NR2C1: variants seen among roughly 807,000 people sequenced by gnomAD.
NR2C1 encodes TR2 nuclear hormone receptor.
NR2C1 carries 33 observed loss-of-function variants against 74.8 expected under a neutral mutation model. The observed-to-expected ratio is 0.44, with a 90% CI of 0.33 to 0.59. NR2C1 has a LOEUF of 0.59. Among genes scored for constraint, NR2C1 ranks in the 20% least tolerant of loss-of-function variants. NR2C1 has a pLI of 0.02. For missense variants in NR2C1, 568 were observed against 715.6 expected (o/e 0.79, Z 2.35); for synonymous variants, 225 against 240.6 (o/e 0.94, Z 0.60).
intron 2 of NR2C1, 98 bp from the exon 3 acceptor site, chr12:95,062,836 T>A: frequency 3.5e-6 from 3 of 846,666 alleles, no homozygotes; most frequent in Non-Finnish European, 5.7e-6. Context: ...ATATTCAATA[T>A]AACACACACG....
intron 11 of NR2C1, among the ~76,000 whole-genome samples, 190 bp from the exon 12 acceptor site, chr12:95,028,714 C>G (rs1335590465): frequency 6.6e-6 from 1 of 152,224 alleles, no homozygotes; most frequent in Non-Finnish European, 1.5e-5. Context: ...ACTGCAACCT[C>G]TGCCTCCTGG....
rs187652832 is a variant in NR2C1 at position 95,060,265 on chromosome 12, C to T, written c.286-281G>A. Among the ~76,000 whole-genome samples the T allele has an allele frequency of 3.3e-5, 5 of 152,270 alleles. No homozygotes were observed. The East Asian group carries it at 9.6e-4, about 29-fold the overall frequency. ...TTTCCTTGAGGTAATTATAATCATGCAGATGTGCTCGCTATACAAAGGTAT... is the reference window on the plus strand; with the variant it reads ...TTTCCTTGAGGTAATTATAATCATGTAGATGTGCTCGCTATACAAAGGTAT... On this transcript the variant is annotated intron_variant, in intron 3 of 13. Coordinates refer to ENST00000333003, the MANE Select transcript of NR2C1 (RefSeq NM_003297.4).
At chr12:95,022,700 A>ATTTTTT (rs373684275) in intron 13 of NR2C1, among the ~76,000 whole-genome samples, 1 of 143,296 alleles carries the variant, frequency 7.0e-6, no homozygotes. Flanking sequence ...AAGTTATACA[A>ATTTTTT]TTTTTTTTTT....
chr12:95,028,731 G>A (rs1869680766), intron 11 of NR2C1, among the ~76,000 whole-genome samples: 1 of 152,178 alleles, frequency 6.6e-6, no homozygotes, highest in African/African-American at 2.4e-5. Flanking sequence ...CTGGACTCAA[G>A]CAGTTCTCCT....
intron 11 of NR2C1, chr12:95,030,523 C>T: frequency 6.2e-7 from 1 of 1,604,060 alleles, no homozygotes; most frequent in Non-Finnish European, 8.5e-7. Context: ...CCATTACAGG[C>T]ATATAAGACA....
chr12:95,046,914 G>A (rs1258245402), intron 9 of NR2C1, among the ~76,000 whole-genome samples: 2 of 152,076 alleles, frequency 1.3e-5, no homozygotes, highest in African/African-American at 2.4e-5. Flanking sequence ...TTTCAGGAGA[G>A]TAAGAAACTT....
rs1482542843 is a variant in NR2C1, at chr12:95,051,771, T to A, written c.956A>T (p.Asp319Val). 3.1e-6 allele frequency: 5 copies of A among 1,602,450 alleles called. No homozygotes were observed. The highest frequency in any genetic ancestry group is 4.2e-6 in the Non-Finnish European group (5 of 1,177,134). ...CEFQEMQTNG[D>V]VSRAFDTLAK... ...TCAAAAGATACCTTACCTTGAAACA[T>A]CACCGTTGGTCTGCATTTCTTGAAA... The change falls in exon 8 of 14, where the codon GAT becomes GTT. Residue 319 changes from aspartate (D) to valine (V), a missense_variant. By Grantham distance (152) the Asp-to-Val change is radical (BLOSUM62 -3). This residue lies in a region of NR2C1 where 239 missense variants were observed against 232.3 expected (regional missense o/e 1.03). Transcript: ENST00000333003.
rs184031483 is a variant in NR2C1, at chr12:95,057,208, G to A, written c.783+345C>T. 3.8e-4 allele frequency among the ~76,000 whole-genome samples: 56 copies of A among 147,304 alleles called. 1 individual carries two copies. The East Asian group carries it at 0.01, about 27-fold the overall frequency. ...CAACCTCCACCTACCGGGTTCAAGC[G>A]ATTCTCCTGCCTCAGCCTCCCGAGT... On this transcript the variant is annotated intron_variant, in intron 7 of 13. Transcript: ENST00000333003.
intron 9 of NR2C1, among the ~76,000 whole-genome samples, chr12:95,045,601 C>T (rs60126896): frequency 0.021 from 3,156 of 152,228 alleles, 100 homozygotes; most frequent in African/African-American, 0.072. Flanking sequence ...GGGAGAGTAA[C>T]TGCCTCTAAA....
intron 1 of NR2C1, among the ~76,000 whole-genome samples, chr12:95,067,717 C>T (rs1035093253): frequency 9.9e-5 from 15 of 151,714 alleles, no homozygotes; most frequent in Non-Finnish European, 1.3e-4. Context: ...GTATACACCA[C>T]CACACCTGGC....
chr12:95,068,944 C>CA (rs1565880185), intron 1 of NR2C1, among the ~76,000 whole-genome samples: 1 of 151,514 alleles, frequency 6.6e-6, no homozygotes, highest in Non-Finnish European at 1.5e-5. Context: ...GCCTGGGTGA[C>CA]AGAGAGAGAC....
chr12:95,044,520 C>T (rs1592751502), intron 9 of NR2C1, among the ~76,000 whole-genome samples: 1 of 151,984 alleles, frequency 6.6e-6, no homozygotes, highest in East Asian at 1.9e-4. Flanking sequence ...TCGTGATCCA[C>T]CCACCTCAGC....
At chr12:95,058,569 AAAC>A in intron 4 of NR2C1, 80 bp from the exon 5 acceptor site, 1 of 1,104,384 alleles carries the variant, frequency 9.1e-7, no homozygotes, top group East Asian at 2.4e-5. Flanking sequence ...TCTTCCCTTT[AAAC>A]AACATATAAG....
chr12:95,043,361 A>C (rs1871846375), intron 9 of NR2C1, among the ~76,000 whole-genome samples: 1 of 151,986 alleles, frequency 6.6e-6, no homozygotes, highest in Admixed American at 6.6e-5. Flanking sequence ...GTTTTGGGGG[A>C]AGGGGCAAGT....
At chr12:95,068,269 C>T (rs1045371282) in intron 1 of NR2C1, among the ~76,000 whole-genome samples, 11 of 152,130 alleles carry the variant, frequency 7.2e-5, no homozygotes, top group Admixed American at 3.3e-4. Context: ...TTTTGGATTA[C>T]GGTACACTCT....
rs778111923 is a variant in NR2C1, at chr12:95,022,352, G to GGTA, written c.1686_1688dup (p.Thr563dup). The GGTA allele has an allele frequency of 6.2e-7, 1 of 1,613,440 alleles. No homozygotes were observed. Among genetic ancestry groups the GGTA allele is most frequent in the South Asian group, 1.1e-5 (1 of 91,012 alleles). On this transcript the variant is annotated inframe_insertion, in exon 14 of 14. Transcript: ENST00000333003. ...CTTTGAAAAACAATTCTTCAGTGAT[G>GGTA]GTAGCATTCATCAGTCTTAAAGCTG...
intron 8 of NR2C1, among the ~76,000 whole-genome samples, chr12:95,050,501 G>C (rs1338397488): frequency 6.6e-6 from 1 of 152,002 alleles, no homozygotes; most frequent in Non-Finnish European, 1.5e-5. Context: ...TAGAGATGGG[G>C]TTTCACCATG....
In NR2C1 at chr12:95,028,518, A is replaced by G. The variant is rs774433275; in HGVS notation, c.1400T>C (p.Met467Thr). Residue 467 changes from methionine to threonine, a missense_variant, in exon 12 of 14, where the codon ATG becomes ACG. Transcript: ENST00000333003. Reference protein sequence around the residue: ...CLHNSLQQDKMSTERRKLLME... With the variant: ...CLHNSLQQDKTSTERRKLLME... Reference sequence around the variant, plus strand: ...CAATAATTTTCTTCTTTCTGTTGACATTTTATCTTTAATTAAAAATAAACA... The same window carrying G: ...CAATAATTTTCTTCTTTCTGTTGACGTTTTATCTTTAATTAAAAATAAACA... 2 of 1,532,200 alleles carry G rather than the reference A, an allele frequency of 1.3e-6. No individual in the cohort carries two copies. The highest frequency in any genetic ancestry group is 4.5e-5 in the East Asian group (2 of 44,370). The allele number at this position is 1,532,200 out of a possible 1,614,324, so 94.9% of individuals were successfully genotyped here. A position where few individuals can be genotyped will look rare whatever the true frequency, so the allele number is the denominator to read the frequency against.
chr12:95,040,685 T>C (rs1871418638), intron 9 of NR2C1, 88 bp from the exon 10 acceptor site: 1 of 1,228,204 alleles, frequency 8.1e-7, no homozygotes, highest in Non-Finnish European at 1.1e-6. Flanking sequence ...ACGTAACACA[T>C]CAAATGAGAG....
Sources: allele counts gnomAD v4.1 joint callset (sites outside exome capture counted in the v4.1 genomes callset), GRCh38; gene constraint gnomAD v4.1.1; regional missense constraint gnomAD v4.1.1; transcripts MANE v1.5; gene names NCBI Gene and HGNC (gene_info 2026-07-23, HGNC 2026-07-21).